Variants in LRRC8C observed in about 807,000 individuals in gnomAD.
LRRC8C encodes leucine rich repeat containing 8 VRAC subunit C.
A neutral mutation model predicts 55.3 loss-of-function variants in LRRC8C; 20 were observed. The ratio of observed to expected loss-of-function variants is 0.36; its 90% CI spans 0.25 to 0.53. The LOEUF is 0.53. LRRC8C is among the 20% of genes least tolerant of loss of function. The pLI is 0.92. For synonymous variants in LRRC8C, 376 were observed against 360.7 expected, an observed-to-expected ratio of 1.04 and a Z score of -0.48; for missense variants, 659 against 951.4, an observed-to-expected ratio of 0.69 and a Z score of 4.04.
intron 1 of LRRC8C, among the ~76,000 whole-genome samples, chr1:89,638,048 T>C (rs919316982): frequency 1.4e-4 from 21 of 152,178 alleles, no homozygotes; most frequent in African/African-American, 5.1e-4. Flanking sequence ...CAGAAATCAA[T>C]TTTAAGAAAA....
At chr1:89,662,860 G>T (rs371799627) in intron 1 of LRRC8C, among the ~76,000 whole-genome samples, 59 of 152,070 alleles carry the variant, frequency 3.9e-4, no homozygotes, top group African/African-American at 1.4e-3. Context: ...TCTGGGATAC[G>T]TGTGCAGAAC....
intron 1 of LRRC8C, among the ~76,000 whole-genome samples, chr1:89,669,999 G>T (rs911406652): frequency 6.6e-6 from 1 of 151,958 alleles, no homozygotes; most frequent in Non-Finnish European, 1.5e-5. Context: ...AAAGTGAGTG[G>T]GTGGAAATAA....
chr1:89,687,580 AGAAG>A (rs1382410203), intron 2 of LRRC8C, among the ~76,000 whole-genome samples: 1 of 152,182 alleles, frequency 6.6e-6, no homozygotes, highest in Non-Finnish European at 1.5e-5. Context: ...GAGTAAATGG[AGAAG>A]GAAGTGGGGC....
chr1:89,680,463 A>G (rs1278464427), intron 1 of LRRC8C, among the ~76,000 whole-genome samples: 2 of 150,244 alleles, frequency 1.3e-5, no homozygotes, highest in East Asian at 3.9e-4. Context: ...GTTTTTTGTA[A>G]TAGTTTTTTT....
At chr1:89,675,183 TCAAAAAAA>T (rs765919799) in intron 1 of LRRC8C, among the ~76,000 whole-genome samples, 100 of 152,108 alleles carry the variant, frequency 6.6e-4, no homozygotes, top group Non-Finnish European at 8.5e-4. Context: ...AGAGTTCAAC[TCAAAAAAA>T]CAAAAAAACA....
intron 2 of LRRC8C, among the ~76,000 whole-genome samples, chr1:89,700,186 C>T (rs529785090): frequency 7.9e-4 from 120 of 152,236 alleles, no homozygotes; most frequent in African/African-American, 2.8e-3. Context: ...CCTCTCTCTC[C>T]CCAAATGCAT....
At chr1:89,672,669 A>G (rs1657454190) in intron 1 of LRRC8C, among the ~76,000 whole-genome samples, 1 of 152,032 alleles carries the variant, frequency 6.6e-6, no homozygotes, top group African/African-American at 2.4e-5. Flanking sequence ...ATTCCCCTAC[A>G]TCCCATGTCT....
At chr1:89,624,713 T>C in the LRRC8C span, 2 of 152,380 alleles carry the variant, frequency 1.3e-5, no homozygotes, top group South Asian at 4.1e-4. Context: ...AAAAGTCTTA[T>C]GAAGGCTCTG....
Position 89,686,558 on chromosome 1 carries a change from G to C in LRRC8C, c.85G>C (p.Asp29His). 1.2e-6 allele frequency: 2 copies of C among 1,614,170 alleles called. No homozygotes were observed. The highest frequency in any genetic ancestry group is 1.7e-6 in the Non-Finnish European group (2 of 1,180,024). Residue 29 changes from aspartate to histidine, a missense_variant, in exon 2 of 3, where the codon GAT (aspartate) becomes CAT (histidine). By Grantham distance (81) the Asp-to-His change is moderately conservative (BLOSUM62 -1). Around this residue, in one of 5 missense-constraint regions of LRRC8C, gnomAD observed 17 missense variants for 38.2 expected, o/e 0.44. Transcript: ENST00000370454. ...GAAGCCATGGTGGGATGTGTTTACC[G>C]ATTACCTCTCAGTAGCCATGCTCAT... ...VLKPWWDVFT[D>H]YLSVAMLMIG...
chr1:89,682,919 T>A (rs892515716), intron 1 of LRRC8C, among the ~76,000 whole-genome samples: 1 of 152,256 alleles, frequency 6.6e-6, no homozygotes, highest in African/African-American at 2.4e-5. Flanking sequence ...CTACTTTTAC[T>A]TGAATAAAAC....
Position 89,712,796 on chromosome 1 carries a change from G to T in LRRC8C, c.226G>T (p.Ala76Ser). ...CCTTTCGAATGTCTCTCAAGCAGTTGCCAGTACCACTCCACTGCCTCCACC... is the reference window on the plus strand; with the variant it reads ...CCTTTCGAATGTCTCTCAAGCAGTTTCCAGTACCACTCCACTGCCTCCACC... Reference protein sequence around the residue: ...SSLSNVSQAVASTTPLPPPKP... With the variant: ...SSLSNVSQAVSSTTPLPPPKP... The change falls in exon 3 of 3, where the codon GCC becomes TCC. Residue 76 changes from alanine (A) to serine (S), a missense_variant. Ala to Ser is a moderately conservative substitution (Grantham distance 99). Around this residue, in one of 5 missense-constraint regions of LRRC8C, gnomAD observed 82 missense variants for 71.4 expected, o/e 1.15. Coordinates refer to ENST00000370454, the MANE Select transcript of LRRC8C (RefSeq NM_032270.5). The T allele has an allele frequency of 6.2e-7, 1 of 1,614,130 alleles. No homozygotes were observed. Among genetic ancestry groups the T allele is most frequent in the Non-Finnish European group, 8.5e-7 (1 of 1,180,032 alleles).
intron 1 of LRRC8C, among the ~76,000 whole-genome samples, chr1:89,646,969 C>T (rs1363035052): frequency 6.6e-6 from 1 of 152,100 alleles, no homozygotes; most frequent in Non-Finnish European, 1.5e-5. Flanking sequence ...ATCACCATGT[C>T]AATCAGCCCT....
chr1:89,719,291 C>T lies in LRRC8C; in HGVS notation c.*4309C>T, dbSNP rs1457562057. 1 of 152,122 alleles carries T rather than the reference C, an allele frequency of 6.6e-6. No individual in the cohort carries two copies. Among genetic ancestry groups the T allele is most frequent in the Non-Finnish European group, 1.5e-5 (1 of 68,016 alleles). 9.4% of individuals were successfully genotyped at this position (152,122 alleles called of 1,614,324 possible). A position where few individuals can be genotyped will look rare whatever the true frequency, so the allele number is the denominator to read the frequency against. On this transcript the variant is annotated 3_prime_UTR_variant, in exon 3 of 3. Coordinates refer to ENST00000370454, the MANE Select transcript of LRRC8C (RefSeq NM_032270.5). Reference sequence around the variant, plus strand: ...CTCTCCACCCCCCACCTTATTCTTCCTCTTTAATGAATATTTTTATTGGAG... The same window carrying T: ...CTCTCCACCCCCCACCTTATTCTTCTTCTTTAATGAATATTTTTATTGGAG...
the LRRC8C span, among the ~76,000 whole-genome samples, chr1:89,624,258 T>A: frequency 1.3e-5 from 2 of 152,228 alleles, no homozygotes; most frequent in Admixed American, 1.3e-4. Context: ...GAGAAAGACA[T>A]TATCTCTATC....
chr1:89,653,729 T>A (rs1656855363), intron 1 of LRRC8C, among the ~76,000 whole-genome samples: 2 of 152,058 alleles, frequency 1.3e-5, no homozygotes, highest in Admixed American at 1.3e-4. Flanking sequence ...GAGAAAAAAA[T>A]TAAAAATTGA....
rs369844029 is a variant in LRRC8C, at chr1:89,706,861, C to T, written c.139-5848C>T. On this transcript the variant is annotated intron_variant, in intron 2 of 2. Coordinates refer to ENST00000370454, the MANE Select transcript of LRRC8C (RefSeq NM_032270.5). Reference sequence around the variant, plus strand: ...GAATTGAGGAAGGATCTTCAAGATCCTCTTTTATCTTTTCAAAAATAGCTG... The same window carrying T: ...GAATTGAGGAAGGATCTTCAAGATCTTCTTTTATCTTTTCAAAAATAGCTG... Among the ~76,000 whole-genome samples, 8 of 152,098 alleles carry T rather than the reference C, an allele frequency of 5.3e-5. No individual in the cohort carries two copies. The East Asian group carries it at 1.5e-3, about 29-fold the overall frequency.
chr1:89,617,866 T>C, the LRRC8C span, among the ~76,000 whole-genome samples: 10 of 152,092 alleles, frequency 6.6e-5, no homozygotes, highest in African/African-American at 1.9e-4. Context: ...AGACTGTATC[T>C]CAAGATGAGC....
At chr1:89,698,541 G>A (rs1449037437) in intron 2 of LRRC8C, among the ~76,000 whole-genome samples, 1 of 151,712 alleles carries the variant, frequency 6.6e-6, no homozygotes, top group African/African-American at 2.4e-5. Flanking sequence ...CATTTCTCAC[G>A]GTGCATAACT....
At chr1:89,707,975 G>A (rs1658531353) in intron 2 of LRRC8C, among the ~76,000 whole-genome samples, 1 of 151,912 alleles carries the variant, frequency 6.6e-6, no homozygotes, top group Admixed American at 6.6e-5. Context: ...TTCCATAAAT[G>A]ATTTCATTCT....
Sources: gnomAD v4.1 joint callset for allele counts (sites outside exome capture counted in the v4.1 genomes callset) on GRCh38, gnomAD v4.1.1 for gene constraint, gnomAD v4.1.1 regional missense constraint, MANE v1.5 for transcripts, NCBI Gene and HGNC (gene_info 2026-07-23, HGNC 2026-07-21) for gene names.